Variants in DPP6 observed in about 807,000 individuals in gnomAD.
The protein encoded by DPP6 is A-type potassium channel modulatory protein DPP6.
DPP6 carries 69 observed loss-of-function variants against 122.6 expected under a neutral mutation model. That is an observed-to-expected ratio of 0.56 (90% CI 0.46 to 0.69). The LOEUF (loss-of-function observed/expected upper bound fraction) is 0.69. Among genes scored for constraint, DPP6 ranks in the 30% least tolerant of loss-of-function variants. DPP6 has a pLI of 0.00. For synonymous variants in DPP6, 418 were observed against 433.1 expected (o/e 0.97, Z 0.43); for missense variants, 928 against 1,116.9 (o/e 0.83, Z 2.41).
intron 1 of DPP6, among the ~76,000 whole-genome samples, chr7:154,187,966 A>G (rs896668343): frequency 6.6e-6 from 1 of 152,152 alleles, no homozygotes; most frequent in African/African-American, 2.4e-5. Context: ...GCATCTATCT[A>G]AAGTTGAGAA....
chr7:154,273,629 G>A (rs1803939143), intron 1 of DPP6, among the ~76,000 whole-genome samples: 1 of 152,164 alleles, frequency 6.6e-6, no homozygotes, highest in Non-Finnish European at 1.5e-5. Context: ...TTACTTGATT[G>A]TGCCCCATTT....
At chr7:153,978,622 T>C (rs539958736) in intron 1 of DPP6, among the ~76,000 whole-genome samples, 2 of 152,344 alleles carry the variant, frequency 1.3e-5, no homozygotes, top group Non-Finnish European at 2.9e-5. Flanking sequence ...CAGGAAGACT[T>C]TGCCCATGAC....
intron 1 of DPP6, among the ~76,000 whole-genome samples, chr7:154,343,797 T>C (rs917474588): frequency 6.6e-6 from 1 of 152,116 alleles, no homozygotes; most frequent in African/African-American, 2.4e-5. Flanking sequence ...GCCAGGCTGG[T>C]ATCGAAATCC....
intron 17 of DPP6, among the ~76,000 whole-genome samples, chr7:154,864,567 C>G (rs1237880544): frequency 1.3e-5 from 2 of 152,216 alleles, no homozygotes; most frequent in African/African-American, 2.4e-5. Context: ...CCAATCTTTT[C>G]TTATTTCTCT....
rs532874390 is a variant in DPP6 at position 154,880,264 on chromosome 7, G to C, written c.2079-624G>C. ...AAGGTCCCAGCAAGGGTGAGGCAGGGACCCAGGCAGCACTGGCCCAGAGCA... is the reference window on the plus strand; with the variant it reads ...AAGGTCCCAGCAAGGGTGAGGCAGGCACCCAGGCAGCACTGGCCCAGAGCA... On this transcript the variant is annotated intron_variant, in intron 20 of 25. Coordinates refer to ENST00000377770, the MANE Select transcript of DPP6 (RefSeq NM_130797.4). Among the ~76,000 whole-genome samples the C allele has an allele frequency of 5.3e-5, 8 of 152,308 alleles. No individual in the cohort carries two copies. The East Asian group carries it at 9.7e-4, about 18-fold the overall frequency.
intron 1 of DPP6, among the ~76,000 whole-genome samples, chr7:154,178,016 C>A (rs1380273282): frequency 6.6e-6 from 1 of 152,192 alleles, no homozygotes; most frequent in Admixed American, 6.5e-5. Flanking sequence ...AGCCAACCCA[C>A]TGGTCACTGA....
At chr7:153,807,120 T>A in the DPP6 span, among the ~76,000 whole-genome samples, 1 of 151,868 alleles carries the variant, frequency 6.6e-6, no homozygotes, top group African/African-American at 2.4e-5. Context: ...GCATTAATAT[T>A]TCTTGCCTTA....
intron 16 of DPP6, among the ~76,000 whole-genome samples, chr7:154,830,898 G>A (rs1398373746): frequency 6.6e-6 from 1 of 152,182 alleles, no homozygotes; most frequent in African/African-American, 2.4e-5. Flanking sequence ...AGATCCCTTT[G>A]GTAGATGAAC....
the DPP6 span, among the ~76,000 whole-genome samples, chr7:153,861,979 C>A: frequency 2.0e-5 from 3 of 152,168 alleles, no homozygotes; most frequent in African/African-American, 7.2e-5. Flanking sequence ...GATACTCCCA[C>A]ATTTTTGTTG....
At chr7:153,953,150 A>T (rs1362936714) in intron 1 of DPP6, among the ~76,000 whole-genome samples, 2 of 152,174 alleles carry the variant, frequency 1.3e-5, no homozygotes, top group African/African-American at 4.8e-5. Context: ...ATTATCTTTT[A>T]AAAAAATTCA....
At chr7:154,321,636 T>A (rs1247649561) in intron 1 of DPP6, among the ~76,000 whole-genome samples, 1 of 151,138 alleles carries the variant, frequency 6.6e-6, no homozygotes, top group African/African-American at 2.4e-5. Context: ...ACAAAAAAAA[T>A]TAGCCGGGCA....
chr7:154,313,714 T>TATATATATATATATATGCATACAC (rs1177234778), intron 1 of DPP6, among the ~76,000 whole-genome samples: 1 of 17,786 alleles, frequency 5.6e-5, no homozygotes, highest in Non-Finnish European at 1.2e-4. Flanking sequence ...TATATATATA[T>TATATATATATATATATGCATACAC]ACACACACAC....
intron 1 of DPP6, among the ~76,000 whole-genome samples, chr7:154,065,791 C>T (rs1802671325): frequency 6.6e-6 from 1 of 151,986 alleles, no homozygotes; most frequent in Admixed American, 6.6e-5. Flanking sequence ...TCAGGTTTTC[C>T]TCAGGGACTG....
the DPP6 span, among the ~76,000 whole-genome samples, chr7:153,854,403 C>T: frequency 1.1e-4 from 16 of 151,618 alleles, no homozygotes; most frequent in Non-Finnish European, 2.2e-4. Flanking sequence ...AAAAAACAAA[C>T]AACCCCATCA....
chr7:154,206,443 T>TTAAA lies in DPP6; in HGVS notation c.243+153380_243+153381insTAAA, dbSNP rs1799451216. Among the ~76,000 whole-genome samples, 3 of 152,296 alleles carry TTAAA rather than the reference T, an allele frequency of 2.0e-5. No individual in the cohort carries two copies. In the South Asian group the frequency reaches 6.2e-4, roughly 32 times the overall value. ...AGCCTTAAATTCCTGTCCTTGAATA[T>TTAAA]GCTCTTGCCCCAGACATATTGCTCA... is the stretch of plus-strand genomic sequence containing the variant. On this transcript the variant is annotated intron_variant, in intron 1 of 25. Transcript: ENST00000377770.
chr7:153,819,924 C>T, the DPP6 span, among the ~76,000 whole-genome samples: 5 of 151,692 alleles, frequency 3.3e-5, no homozygotes, highest in African/African-American at 1.2e-4. Flanking sequence ...TTTTATTCTC[C>T]TGTTGTTGGT....
intron 1 of DPP6, among the ~76,000 whole-genome samples, chr7:154,410,748 G>C (rs1816527929): frequency 6.6e-6 from 1 of 152,206 alleles, no homozygotes; most frequent in Admixed American, 6.5e-5. Flanking sequence ...AAGTCCCACA[G>C]CATGCAATAT....
rs146860382 is a variant in DPP6, at chr7:154,239,818, C to CAAAAAA, written c.243+186766_243+186771dup. 1.4e-3 allele frequency among the ~76,000 whole-genome samples: 128 copies of CAAAAAA among 91,780 alleles called. 2 individuals are homozygous for CAAAAAA. Among genetic ancestry groups the CAAAAAA allele is most frequent in the African/African-American group, 3.8e-3 (119 of 30,920 alleles). The allele number at this position is 91,780 out of a possible 152,430, so 60.2% of individuals were successfully genotyped here. On this transcript the variant is annotated intron_variant, in intron 1 of 25. Coordinates refer to ENST00000377770, the MANE Select transcript of DPP6 (RefSeq NM_130797.4). ...TAAAATCCTGTCTCTACTAAAACTA[C>CAAAAAA]AAAAAAAAAAAAAAAAGAAAAAGAA...
chr7:154,264,387 A>G (rs911245927), intron 1 of DPP6, among the ~76,000 whole-genome samples: 2 of 152,188 alleles, frequency 1.3e-5, no homozygotes, highest in Non-Finnish European at 2.9e-5. Flanking sequence ...GATTAAGAAC[A>G]ATGGCTCCAG....
Sources: gnomAD v4.1 joint callset for allele counts (sites outside exome capture counted in the v4.1 genomes callset) on GRCh38, gnomAD v4.1.1 for gene constraint, MANE v1.5 for transcripts, NCBI Gene and HGNC (gene_info 2026-07-23, HGNC 2026-07-21) for gene names.